The following CTIF variants were observed in gnomAD, a reference collection of about 807,000 sequenced individuals.
The protein encoded by CTIF is cap binding complex dependent translation initiation factor.
In CTIF, 21 loss-of-function variants were observed where a neutral mutation model predicts 66.0. That is an observed-to-expected ratio of 0.32 (90% confidence interval 0.23 to 0.46). The LOEUF (loss-of-function observed/expected upper bound fraction) is 0.46. CTIF is among the 20% of genes least tolerant of loss of function. The pLI is 1.00. For missense variants in CTIF, 739 were observed against 812.7 expected (o/e 0.91, Z 1.10); for synonymous variants, 345 against 326.4 (o/e 1.06, Z -0.62).
intron 6 of CTIF, among the ~76,000 whole-genome samples, chr18:48,701,815 C>G (rs943141114): frequency 6.6e-6 from 1 of 152,128 alleles, no homozygotes; most frequent in Admixed American, 6.5e-5. Flanking sequence ...CATGGCTACC[C>G]GTGGAGGGCA....
intron 7 of CTIF, among the ~76,000 whole-genome samples, chr18:48,715,021 A>G (rs2092266029): frequency 1.3e-5 from 2 of 152,148 alleles, no homozygotes; most frequent in Admixed American, 1.3e-4. Flanking sequence ...TTGTCCTGTG[A>G]TTGTGGCAGC....
chr18:48,818,302 G>A (rs993526158), intron 10 of CTIF, among the ~76,000 whole-genome samples: 11 of 152,226 alleles, frequency 7.2e-5, no homozygotes, highest in Non-Finnish European at 1.6e-4. Context: ...GCACGTTTAG[G>A]CTCTAGTTGA....
intron 3 of CTIF, 62 bp downstream of exon 3, chr18:48,636,747 G>A: frequency 7.4e-7 from 1 of 1,351,766 alleles, no homozygotes; most frequent in Non-Finnish European, 9.9e-7. Flanking sequence ...CTGGGTTCCT[G>A]GGCCGGCCCA....
intron 9 of CTIF, among the ~76,000 whole-genome samples, chr18:48,795,756 G>C (rs1311278540): frequency 6.6e-6 from 1 of 152,200 alleles, no homozygotes; most frequent in Non-Finnish European, 1.5e-5. Context: ...GTGTTGGGAA[G>C]AATTTCAGAC....
At chr18:48,658,373 T>C (rs2091280218) in intron 3 of CTIF, among the ~76,000 whole-genome samples, 1 of 152,044 alleles carries the variant, frequency 6.6e-6, no homozygotes, top group African/African-American at 2.4e-5. Flanking sequence ...ATAGTTGTAG[T>C]ATACATGTAT....
intron 1 of CTIF, among the ~76,000 whole-genome samples, chr18:48,574,155 C>G (rs1378156097): frequency 6.6e-6 from 1 of 152,250 alleles, no homozygotes; most frequent in Non-Finnish European, 1.5e-5. Flanking sequence ...TGCTGTCACT[C>G]TGAAGAGGGA....
At chr18:48,711,813 G>A (rs1317522271) in intron 7 of CTIF, 118 bp downstream of exon 7, 1 of 826,208 alleles carries the variant, frequency 1.2e-6, no homozygotes, top group East Asian at 2.6e-5. Flanking sequence ...CTGATGAGAT[G>A]GGGTTGGTGG....
chr18:48,800,699 T>C (rs2068031466), intron 9 of CTIF, among the ~76,000 whole-genome samples: 1 of 152,258 alleles, frequency 6.6e-6, no homozygotes, highest in African/African-American at 2.4e-5. Context: ...TCACGGTGTT[T>C]AGCCGTGTTT....
intron 1 of CTIF, among the ~76,000 whole-genome samples, chr18:48,605,722 G>A (rs1206043999): frequency 6.6e-6 from 1 of 152,046 alleles, no homozygotes. Flanking sequence ...TAGCCTGTGG[G>A]AGGAGCTCTT....
At chr18:48,692,416 C>T (rs1408328031) in intron 6 of CTIF, 2 of 152,150 alleles carry the variant, frequency 1.3e-5, no homozygotes, top group Non-Finnish European at 1.5e-5. Context: ...TGGATCTTGT[C>T]CTCTCCACCT....
At chr18:48,592,794 G>A (rs1368896754) in intron 1 of CTIF, among the ~76,000 whole-genome samples, 2 of 152,150 alleles carry the variant, frequency 1.3e-5, no homozygotes, top group East Asian at 1.9e-4. Flanking sequence ...CTCATCAGCC[G>A]GGAAGAATCC....
intron 6 of CTIF, among the ~76,000 whole-genome samples, chr18:48,698,511 C>A (rs1024358246): frequency 6.6e-6 from 1 of 152,216 alleles, no homozygotes; most frequent in African/African-American, 2.4e-5. Flanking sequence ...CTGTGTACAG[C>A]CCAATTCTCC....
chr18:48,616,144 G>A (rs1333010847), intron 1 of CTIF, among the ~76,000 whole-genome samples: 3 of 152,204 alleles, frequency 2.0e-5, no homozygotes, highest in South Asian at 2.1e-4. Flanking sequence ...TAGAGTTCCT[G>A]CAAAACCCGG....
At chr18:48,642,726 G>A (rs299724) in intron 3 of CTIF, among the ~76,000 whole-genome samples, 1 of 151,922 alleles carries the variant, frequency 6.6e-6, no homozygotes, top group South Asian at 2.1e-4. Flanking sequence ...TAACAAACAA[G>A]CCCAAATCTC....
At position 48,619,655 on chromosome 18, in the gene CTIF, C is replaced by T; in HGVS notation, c.90C>T (p.Ser30=). 4.4e-6 allele frequency: 7 copies of T among 1,607,106 alleles called. No homozygotes were observed. The highest frequency in any genetic ancestry group is 5.1e-6 in the Non-Finnish European group (6 of 1,177,050). Residue 30 remains serine, a synonymous_variant, in exon 2 of 12, where the codon AGC becomes AGT. Coordinates refer to ENST00000256413, the MANE Select transcript of CTIF (RefSeq NM_014772.3). ...EIEELERFID[S]YVLEYQVQGL... is the part of the protein sequence containing the mutation. ...AGGAGCTGGAGCGCTTCATCGACAG[C>T]TACGTGCTGGAGTACCAGGTGCAGG... is the stretch of plus-strand genomic sequence containing the variant.
chr18:48,667,150 G>A (rs532678420), intron 5 of CTIF, among the ~76,000 whole-genome samples: 4 of 151,882 alleles, frequency 2.6e-5, no homozygotes, highest in South Asian at 2.1e-4. Context: ...CAGAAGGACT[G>A]TTTATTCTAC....
At chr18:48,670,238 G>C (rs1455923831) in intron 5 of CTIF, among the ~76,000 whole-genome samples, 1 of 152,166 alleles carries the variant, frequency 6.6e-6, no homozygotes, top group East Asian at 1.9e-4. Flanking sequence ...GACTGACCCA[G>C]AGTCAAGCCA....
At chr18:48,556,523 C>G (rs964032507) in intron 1 of CTIF, among the ~76,000 whole-genome samples, 2 of 152,186 alleles carry the variant, frequency 1.3e-5, no homozygotes, top group Non-Finnish European at 2.9e-5. Context: ...CTCTGGAGTG[C>G]TGAGAACTGG....
chr18:48,668,294 A>C (rs1301152515), intron 5 of CTIF, among the ~76,000 whole-genome samples: 1 of 152,216 alleles, frequency 6.6e-6, no homozygotes, highest in Non-Finnish European at 1.5e-5. Flanking sequence ...CACAGGAGAC[A>C]CTGGGGAGGT....
Sources: allele counts gnomAD v4.1 joint callset (sites outside exome capture counted in the v4.1 genomes callset), GRCh38; gene constraint gnomAD v4.1.1; transcripts MANE v1.5; gene names NCBI Gene and HGNC (gene_info 2026-07-23, HGNC 2026-07-21).